HIVEP3: variants seen among roughly 807,000 people sequenced by gnomAD.
The protein encoded by HIVEP3 is HIVEP zinc finger 3, also known as transcription factor HIVEP3.
A neutral mutation model predicts 152.8 loss-of-function variants in HIVEP3; 49 were observed. The observed-to-expected ratio is 0.32, with a 90% CI of 0.26 to 0.41. The LOEUF (loss-of-function observed/expected upper bound fraction) is 0.41. Among genes scored for constraint, HIVEP3 ranks in the 10% least tolerant of loss-of-function variants. HIVEP3 has a pLI of 1.00. For synonymous variants in HIVEP3, 1,269 were observed against 1,289.0 expected (o/e 0.98, Z 0.33); for missense variants, 2,790 against 3,103.3 (o/e 0.90, Z 2.40).
chr1:41,767,941 C>T (rs941549277), intron 1 of HIVEP3, among the ~76,000 whole-genome samples: 1 of 152,178 alleles, frequency 6.6e-6, no homozygotes, highest in African/African-American at 2.4e-5. Context: ...GCATTTGTTC[C>T]TTATAACAAT....
intron 1 of HIVEP3, among the ~76,000 whole-genome samples, chr1:41,960,190 A>G (rs1645162048): frequency 6.6e-6 from 1 of 152,192 alleles, no homozygotes; most frequent in Admixed American, 6.5e-5. Context: ...GCCAAGAAAG[A>G]AGAATCTAGA....
chr1:41,777,006 T>C (rs140878251), intron 1 of HIVEP3, among the ~76,000 whole-genome samples: 2,229 of 152,238 alleles, frequency 0.015, 22 homozygotes, highest in Non-Finnish European at 0.019. Flanking sequence ...ACACTGGACT[T>C]CAGCCCAGGA....
At chr1:41,595,799 T>C (rs182819980) in intron 3 of HIVEP3, among the ~76,000 whole-genome samples, 84 of 152,274 alleles carry the variant, frequency 5.5e-4, no homozygotes, top group Non-Finnish European at 1.0e-3. Flanking sequence ...CTGGCCTACA[T>C]CTTTCTCCTG....
chr1:41,685,249 G>A (rs998966840), intron 2 of HIVEP3, among the ~76,000 whole-genome samples: 3 of 152,218 alleles, frequency 2.0e-5, no homozygotes, highest in African/African-American at 7.2e-5. Context: ...GGACTGTTGC[G>A]AGTGCAGCCT....
At chr1:41,568,587 G>A (rs922148095) in intron 5 of HIVEP3, among the ~76,000 whole-genome samples, 2 of 152,218 alleles carry the variant, frequency 1.3e-5, no homozygotes, top group Admixed American at 1.3e-4. Context: ...GTGACTGTAG[G>A]ACACTGTGAT....
At chr1:41,965,675 A>G (rs1645193502) in intron 1 of HIVEP3, among the ~76,000 whole-genome samples, 1 of 152,252 alleles carries the variant, frequency 6.6e-6, no homozygotes, top group Non-Finnish European at 1.5e-5. Flanking sequence ...AGACAAGATT[A>G]GAAAAAGAAG....
At chr1:41,556,251 G>A (rs1183858557) in intron 5 of HIVEP3, among the ~76,000 whole-genome samples, 1 of 152,204 alleles carries the variant, frequency 6.6e-6, no homozygotes, top group Non-Finnish European at 1.5e-5. Flanking sequence ...CACCAGCAGC[G>A]TACAAAGGTT....
chr1:41,778,031 C>A (rs999463147), intron 1 of HIVEP3, among the ~76,000 whole-genome samples: 11 of 152,364 alleles, frequency 7.2e-5, no homozygotes, highest in Non-Finnish European at 1.3e-4. Context: ...GCACAACCAA[C>A]CAAATCCCTG....
intron 1 of HIVEP3, among the ~76,000 whole-genome samples, chr1:41,787,741 C>T (rs1649446512): frequency 6.6e-6 from 1 of 150,992 alleles, no homozygotes; most frequent in African/African-American, 2.4e-5. Flanking sequence ...AACTATGTTG[C>T]CTAGGCTGGT....
chr1:42,007,713 G>A (rs1388497690), intron 1 of HIVEP3, among the ~76,000 whole-genome samples: 1 of 152,094 alleles, frequency 6.6e-6, no homozygotes, highest in African/African-American at 2.4e-5. Context: ...CTTCCACTGG[G>A]GCTTCTCAGC....
chr1:41,809,842 A>G (rs902366270), intron 1 of HIVEP3, among the ~76,000 whole-genome samples: 4 of 152,188 alleles, frequency 2.6e-5, no homozygotes, highest in Non-Finnish European at 5.9e-5. Flanking sequence ...GTCCCTGAGA[A>G]TAAATCTGCT....
chr1:41,752,017 G>A (rs1647172383), intron 1 of HIVEP3, among the ~76,000 whole-genome samples: 2 of 152,144 alleles, frequency 1.3e-5, no homozygotes, highest in East Asian at 1.9e-4. Flanking sequence ...GAAGACTGCT[G>A]GGGAGGTGAT....
chr1:41,809,355 G>A (rs1022413305), intron 1 of HIVEP3, among the ~76,000 whole-genome samples: 21 of 152,148 alleles, frequency 1.4e-4, no homozygotes, highest in South Asian at 4.1e-4. Context: ...ACAGAAACAG[G>A]TGGTACCAAA....
At chr1:41,748,588 C>G (rs2124219167) in intron 1 of HIVEP3, among the ~76,000 whole-genome samples, 1 of 152,356 alleles carries the variant, frequency 6.6e-6, no homozygotes, top group Non-Finnish European at 1.5e-5. Flanking sequence ...CACTTGTCAC[C>G]TGCCAGGTAC....
Position 41,662,302 on chromosome 1 carries a change from C to CGGCGCGGGGTG in HIVEP3, c.-720-33366_-720-33356dup, listed in dbSNP as rs1477157810. On this transcript the variant is annotated intron_variant, in intron 2 of 8. Coordinates refer to ENST00000372583, the MANE Select transcript of HIVEP3 (RefSeq NM_024503.5). The surrounding 1 kb of genome is among the most constrained non-coding windows in gnomAD (Gnocchi z 7.2). ...CCCAGGCGCTCGCTGGCGGCCCACG[C>CGGCGCGGGGTG]GGCGCGGGGTGGGCGCGGGGCGGGC... 6 of 145,428 alleles carry CGGCGCGGGGTG rather than the reference C, an allele frequency of 4.1e-5. No homozygotes were observed. The highest frequency in any genetic ancestry group is 9.2e-5 in the Non-Finnish European group (6 of 65,550). The allele number at this position is 145,428 out of a possible 1,614,324, so 9.0% of individuals were successfully genotyped here. A position where few individuals can be genotyped will look rare whatever the true frequency, so the allele number is the denominator to read the frequency against.
At chr1:41,878,886 CT>C (rs1364749968) in intron 1 of HIVEP3, among the ~76,000 whole-genome samples, 2 of 144,556 alleles carry the variant, frequency 1.4e-5, no homozygotes. Context: ...CCCCTCCTTC[CT>C]TTTTTTTCCT....
intron 1 of HIVEP3, among the ~76,000 whole-genome samples, chr1:41,996,988 T>C (rs1645399362): frequency 1.3e-5 from 2 of 152,312 alleles, no homozygotes; most frequent in South Asian, 2.1e-4. Flanking sequence ...TGTGACTACA[T>C]TGAGCCCACC....
intron 2 of HIVEP3, among the ~76,000 whole-genome samples, chr1:41,690,655 C>A (rs909090615): frequency 6.6e-6 from 1 of 152,226 alleles, no homozygotes; most frequent in African/African-American, 2.4e-5. Context: ...CGGTGGCTTA[C>A]ACCTGTAATC....
chr1:41,718,322 C>A (rs1470440843), intron 1 of HIVEP3, among the ~76,000 whole-genome samples: 2 of 152,214 alleles, frequency 1.3e-5, no homozygotes, highest in Non-Finnish European at 2.9e-5. Context: ...TGGGTCTGTA[C>A]CCTACGCTTG....
Sources: gnomAD v4.1 joint callset for allele counts (sites outside exome capture counted in the v4.1 genomes callset) on GRCh38, gnomAD v4.1.1 for gene constraint, Gnocchi (gnomAD v3.1) non-coding constraint, MANE v1.5 for transcripts, NCBI Gene and HGNC (gene_info 2026-07-23, HGNC 2026-07-21) for gene names.